The following GPR141 variants were observed in gnomAD, a reference collection of about 807,000 sequenced individuals.
GPR141 encodes the protein probable G protein-coupled receptor 141.
In GPR141, 6 loss-of-function variants were observed where a neutral mutation model predicts 6.8. That is an observed-to-expected ratio of 0.88 (90% CI 0.48 to 1.74). GPR141 has a LOEUF of 1.74. Ranked by LOEUF, GPR141 falls within the 40% of genes most tolerant of loss-of-function variation. The pLI is 0.01. For missense variants in GPR141, 372 were observed against 372.9 expected (o/e 1.00, Z 0.02); for synonymous variants, 140 against 142.3 (o/e 0.98, Z 0.11).
chr7:37,716,390 G>A (rs971976415), intron 2 of GPR141, among the ~76,000 whole-genome samples: 1 of 152,164 alleles, frequency 6.6e-6, no homozygotes, highest in African/African-American at 2.4e-5. Context: ...TTCAAAGGGG[G>A]TGAAAGATTT....
chr7:37,694,422 AC>A (rs764748209), intron 2 of GPR141, among the ~76,000 whole-genome samples: 17 of 152,122 alleles, frequency 1.1e-4, no homozygotes, highest in Non-Finnish European at 2.1e-4. Context: ...AGGTTGTGCA[AC>A]TTGAGCTCAG....
At chr7:37,735,764 AG>A (rs760753429) in intron 2 of GPR141, among the ~76,000 whole-genome samples, 21 of 152,244 alleles carry the variant, frequency 1.4e-4, no homozygotes, top group Non-Finnish European at 2.4e-4. Context: ...GTTCTTGACG[AG>A]CCTTTTGAAA....
intron 2 of GPR141, among the ~76,000 whole-genome samples, chr7:37,732,056 T>TA (rs55759509): frequency 1.7e-4 from 26 of 148,674 alleles, no homozygotes; most frequent in Non-Finnish European, 3.3e-4. Context: ...TTTATTTATT[T>TA]TATTTTTTTA....
chr7:37,720,931 C>T (rs1056099512), intron 2 of GPR141, among the ~76,000 whole-genome samples: 2 of 152,146 alleles, frequency 1.3e-5, no homozygotes, highest in East Asian at 1.9e-4. Flanking sequence ...TCCAAGTCCT[C>T]TTCTAGTATT....
At chr7:37,719,638 CTG>C (rs1315528286) in intron 2 of GPR141, among the ~76,000 whole-genome samples, 1 of 152,172 alleles carries the variant, frequency 6.6e-6, no homozygotes, top group Middle Eastern at 3.2e-3. Flanking sequence ...AGGGACTAAA[CTG>C]TCTAATCTTA....
chr7:37,686,914 T>C (rs1370465894), intron 2 of GPR141, among the ~76,000 whole-genome samples: 1 of 151,952 alleles, frequency 6.6e-6, no homozygotes, highest in Non-Finnish European at 1.5e-5. Context: ...ATGGCGTGAG[T>C]GGAGAGTGAA....
rs770328102 is a variant in GPR141 at position 37,740,699 on chromosome 7, G to A, written c.306G>A (p.Thr102=). The change falls in exon 3 of 3, where the codon ACG becomes ACA. Residue 102 remains threonine (T), a synonymous_variant. Transcript: ENST00000334425. The stretch of plus-strand genomic sequence containing the variant: ...TGCTGCACATCCACATGTACCTCAC[G>A]TTCCTATTCTATGTGGTGATCCTGG... ...SAMLHIHMYL[T]FLFYVVILVT... 2.4e-4 allele frequency: 381 copies of A among 1,613,914 alleles called. No homozygotes were observed. The highest frequency in any genetic ancestry group is 3.3e-4 in the Middle Eastern group (2 of 6,084).
intron 1 of GPR141, chr7:37,685,169 ATTC>A (rs1189528249): frequency 6.6e-6 from 1 of 152,212 alleles, no homozygotes; most frequent in Non-Finnish European, 1.5e-5. Context: ...TTTTCCAACT[ATTC>A]TTCTAGCAAT....
intron 2 of GPR141, among the ~76,000 whole-genome samples, chr7:37,701,609 A>T (rs577586208): frequency 6.6e-6 from 1 of 152,332 alleles, no homozygotes; most frequent in South Asian, 2.1e-4. Context: ...TGTTTGCCTG[A>T]ATTTCAAATT....
intron 2 of GPR141, among the ~76,000 whole-genome samples, chr7:37,712,776 A>G (rs77648211): frequency 0.018 from 2,735 of 152,312 alleles, 160 homozygotes; most frequent in Admixed American, 0.1. Context: ...CAATAGCACA[A>G]AAGAGCAATC....
intron 2 of GPR141, among the ~76,000 whole-genome samples, chr7:37,692,217 A>G (rs1298345042): frequency 4.6e-5 from 7 of 151,378 alleles, no homozygotes; most frequent in Non-Finnish European, 8.8e-5. Context: ...TCATTGTTCA[A>G]CTCCCACTTA....
chr7:37,715,281 G>A (rs757351478), intron 2 of GPR141, among the ~76,000 whole-genome samples: 4 of 151,952 alleles, frequency 2.6e-5, no homozygotes, highest in Non-Finnish European at 5.9e-5. Context: ...GCCACCAAAC[G>A]TGTCTAATTC....
At chr7:37,723,421 A>C (rs1307901183) in intron 2 of GPR141, among the ~76,000 whole-genome samples, 3 of 152,134 alleles carry the variant, frequency 2.0e-5, no homozygotes, top group Non-Finnish European at 4.4e-5. Context: ...TAGGAAGAAA[A>C]AAAAAAAGTG....
At chr7:37,720,715 T>A (rs1419578663) in intron 2 of GPR141, among the ~76,000 whole-genome samples, 1 of 131,088 alleles carries the variant, frequency 7.6e-6, no homozygotes, top group Non-Finnish European at 1.6e-5. Flanking sequence ...CACTCCAGGC[T>A]GGGCAAAAGC....
chr7:37,715,280 C>T (rs568421259), intron 2 of GPR141, among the ~76,000 whole-genome samples: 9 of 152,180 alleles, frequency 5.9e-5, no homozygotes, highest in Admixed American at 3.9e-4. Context: ...AGCCACCAAA[C>T]GTGTCTAATT....
chr7:37,720,500 G>T (rs147238455), intron 2 of GPR141, among the ~76,000 whole-genome samples: 1,920 of 152,300 alleles, frequency 0.013, 40 homozygotes, highest in African/African-American at 0.043. Flanking sequence ...CCAGCACTTT[G>T]GGAGGCCGAA....
chr7:37,704,979 G>T lies in GPR141; in HGVS notation c.-15+19396G>T, dbSNP rs1409950124. On this transcript the variant is annotated intron_variant, in intron 2 of 2. Transcript: ENST00000334425. ...TGACTCTGCCTCAAATTCCACATCA[G>T]AGTTATTGCTATGTGCTCAGTGACA... Among the ~76,000 whole-genome samples the T allele has an allele frequency of 3.3e-5, 5 of 152,070 alleles. No homozygotes were observed. The East Asian group carries it at 9.6e-4, about 29-fold the overall frequency.
rs76929057 is a variant in GPR141, at chr7:37,734,388, C to A, written c.-14-5992C>A. Among the ~76,000 whole-genome samples the A allele has an allele frequency of 4.6e-3, 696 of 152,296 alleles. 4 individuals are homozygous for A. Among genetic ancestry groups the A allele is most frequent in the African/African-American group, 0.016 (673 of 41,544 alleles). The stretch of plus-strand genomic sequence containing the variant: ...GCAAGAATTGAAGTAACGCATTGTT[C>A]TCTTAGCTACATGTTATGAATATTT... On this transcript the variant is annotated intron_variant, in intron 2 of 2. Coordinates refer to ENST00000334425, the MANE Select transcript of GPR141 (RefSeq NM_001381946.1).
intron 2 of GPR141, among the ~76,000 whole-genome samples, chr7:37,716,487 C>A (rs1811056033): frequency 6.6e-6 from 1 of 151,960 alleles, no homozygotes; most frequent in Non-Finnish European, 1.5e-5. Flanking sequence ...GAGAGTAAGA[C>A]TTGTTAGGGA....
Sources: allele counts gnomAD v4.1 joint callset (sites outside exome capture counted in the v4.1 genomes callset), GRCh38; gene constraint gnomAD v4.1.1; transcripts MANE v1.5; gene names NCBI Gene and HGNC (gene_info 2026-07-23, HGNC 2026-07-21).